Variants in BMPR1A observed in about 807,000 individuals in gnomAD.
BMPR1A encodes bone morphogenetic protein receptor type 1A.
A neutral mutation model predicts 66.0 loss-of-function variants in BMPR1A; 7 were observed. That is an observed-to-expected ratio of 0.11 (90% confidence interval 0.06 to 0.20). BMPR1A has a LOEUF of 0.20. BMPR1A is among the 10% of genes least tolerant of loss of function. BMPR1A has a pLI of 1.00. For missense variants in BMPR1A, 408 were observed against 669.1 expected, an observed-to-expected ratio of 0.61 and a Z score of 4.31; for synonymous variants, 200 against 229.7, an observed-to-expected ratio of 0.87 and a Z score of 1.17.
At chr10:86,797,601 A>G (rs1841740577) in intron 1 of BMPR1A, among the ~76,000 whole-genome samples, 1 of 152,016 alleles carries the variant, frequency 6.6e-6, no homozygotes, top group Admixed American at 6.6e-5. Context: ...CCTGACCTCA[A>G]GTGATCCGCC....
chr10:86,776,700 G>A (rs1359284925), intron 1 of BMPR1A, among the ~76,000 whole-genome samples: 2 of 152,102 alleles, frequency 1.3e-5, no homozygotes, highest in African/African-American at 2.4e-5. Flanking sequence ...GATACATCTT[G>A]TAGTTTTCCA....
intron 1 of BMPR1A, among the ~76,000 whole-genome samples, chr10:86,776,576 G>C (rs2132682077): frequency 6.6e-6 from 1 of 152,214 alleles, no homozygotes; most frequent in South Asian, 2.1e-4. Flanking sequence ...TTCTGTTGCA[G>C]ACCCCCTTTC....
At position 86,926,581 on chromosome 10, in the gene BMPR1A, C is replaced by G. The variant is rs1194105500; in HGVS notation, c.*2862C>G. 1 of 178,904 alleles carries G rather than the reference C, an allele frequency of 5.6e-6. No homozygotes were observed. The highest frequency in any genetic ancestry group is 2.4e-5 in the African/African-American group (1 of 42,306). 11.1% of individuals were successfully genotyped at this position (178,904 alleles called of 1,614,324 possible). A position where few individuals can be genotyped will look rare whatever the true frequency, so the allele number is the denominator to read the frequency against. On this transcript the variant is annotated 3_prime_UTR_variant, in exon 13 of 13. Coordinates refer to ENST00000372037, the MANE Select transcript of BMPR1A (RefSeq NM_004329.3). ...GTTGCATTAAACTTAGTTCTTGTCT[C>G]TCCTTTCCACTCTTATTCTTAAATC...
At chr10:86,860,625 C>T (rs1181623179) in intron 2 of BMPR1A, among the ~76,000 whole-genome samples, 1 of 151,658 alleles carries the variant, frequency 6.6e-6, no homozygotes, top group Non-Finnish European at 1.5e-5. Context: ...CAAAAATTGG[C>T]CAAGTGTGGT....
rs944398210 is a variant in BMPR1A, at chr10:86,784,548, T to G, written c.-268+27629T>G. ...TCAAAGTTTAGAAGTGTTTCTTCAG[T>G]TTTTTTGGTGAGACTTTGAGGAGGT... On this transcript the variant is annotated intron_variant, in intron 1 of 12. Coordinates refer to ENST00000372037, the MANE Select transcript of BMPR1A (RefSeq NM_004329.3). 5.9e-5 allele frequency among the ~76,000 whole-genome samples: 9 copies of G among 152,250 alleles called. No individual in the cohort carries two copies. In the East Asian group the frequency reaches 1.7e-3, roughly 29 times the overall value.
chr10:86,857,392 A>G (rs1186087837), intron 2 of BMPR1A, among the ~76,000 whole-genome samples: 1 of 152,216 alleles, frequency 6.6e-6, no homozygotes, highest in African/African-American at 2.4e-5. Context: ...GACTGAATAC[A>G]TTATTTATTA....
intron 2 of BMPR1A, among the ~76,000 whole-genome samples, chr10:86,851,607 G>A (rs1842568968): frequency 6.6e-6 from 1 of 152,208 alleles, no homozygotes; most frequent in African/African-American, 2.4e-5. Flanking sequence ...GCAGCCTAAT[G>A]AGTTGGGATT....
intron 1 of BMPR1A, among the ~76,000 whole-genome samples, chr10:86,757,278 T>C (rs1847888870): frequency 6.6e-6 from 1 of 152,036 alleles, no homozygotes; most frequent in African/African-American, 2.4e-5. Context: ...ATATTTGTGA[T>C]TTGGCTCCGG....
At chr10:86,896,167 A>AAAGG (rs779778760) in intron 5 of BMPR1A, among the ~76,000 whole-genome samples, 5 of 94,060 alleles carry the variant, frequency 5.3e-5, no homozygotes, top group African/African-American at 1.7e-4. Flanking sequence ...AAAGAAAAGA[A>AAAGG]AAAAAAAAAA....
intron 2 of BMPR1A, among the ~76,000 whole-genome samples, chr10:86,860,053 A>G (rs1380203273): frequency 6.6e-6 from 1 of 152,154 alleles, no homozygotes; most frequent in Non-Finnish European, 1.5e-5. Flanking sequence ...ATGCACCTGT[A>G]GTTGGGACTG....
At chr10:86,821,951 G>A (rs1431365319) in intron 1 of BMPR1A, among the ~76,000 whole-genome samples, 1 of 151,960 alleles carries the variant, frequency 6.6e-6, no homozygotes, top group Non-Finnish European at 1.5e-5. Flanking sequence ...CAGCAGGCAC[G>A]CACCACCACA....
chr10:86,927,992 G>GCTA (rs1356209713), downstream of BMPR1A: 1 of 176,876 alleles, frequency 5.7e-6, no homozygotes, highest in Non-Finnish European at 1.2e-5. Flanking sequence ...GTTTTGTGAT[G>GCTA]CTACACTCAG....
At chr10:86,918,509 T>C (rs987778117) in intron 9 of BMPR1A, among the ~76,000 whole-genome samples, 1 of 152,234 alleles carries the variant, frequency 6.6e-6, no homozygotes, top group Non-Finnish European at 1.5e-5. Flanking sequence ...TTTATAAAAG[T>C]GTCCACTTTT....
At chr10:86,914,727 G>T (rs1188581281) in intron 8 of BMPR1A, among the ~76,000 whole-genome samples, 1 of 152,186 alleles carries the variant, frequency 6.6e-6, no homozygotes, top group African/African-American at 2.4e-5. Context: ...CAAAGATGTA[G>T]ATCAACTAGA....
chr10:86,873,939 C>G (rs1842884940), intron 2 of BMPR1A, among the ~76,000 whole-genome samples: 1 of 152,122 alleles, frequency 6.6e-6, no homozygotes, highest in African/African-American at 2.4e-5. Flanking sequence ...GTAAATGATA[C>G]CTCACTGTAA....
intron 1 of BMPR1A, among the ~76,000 whole-genome samples, chr10:86,769,174 T>G (rs1323876752): frequency 1.3e-5 from 2 of 152,220 alleles, no homozygotes; most frequent in Non-Finnish European, 2.9e-5. Context: ...TAGGAAATTT[T>G]GTTGCTTTTC....
rs376531408 is a variant in BMPR1A, at chr10:86,820,758, C to T, written c.-267-18107C>T. ...ACTGTTTCATATACTTCTTACTGGC[C>T]ACTGCCTGGTTGGCATCTACCACTT... On this transcript the variant is annotated intron_variant, in intron 1 of 12. Transcript: ENST00000372037. 1.2e-4 allele frequency among the ~76,000 whole-genome samples: 18 copies of T among 152,278 alleles called. No individual in the cohort carries two copies. In the East Asian group the frequency reaches 3.3e-3, roughly 28 times the overall value.
At chr10:86,806,356 G>A (rs1443347809) in intron 1 of BMPR1A, among the ~76,000 whole-genome samples, 1 of 151,574 alleles carries the variant, frequency 6.6e-6, no homozygotes. Context: ...AAAATTCACT[G>A]CTCCCCTGCA....
intron 2 of BMPR1A, among the ~76,000 whole-genome samples, chr10:86,859,607 G>T (rs1842687093): frequency 6.6e-6 from 1 of 151,970 alleles, no homozygotes; most frequent in African/African-American, 2.4e-5. Context: ...ATCACCTGAG[G>T]TCAGGAGTTC....
Sources: allele counts gnomAD v4.1 joint callset (sites outside exome capture counted in the v4.1 genomes callset), GRCh38; gene constraint gnomAD v4.1.1; transcripts MANE v1.5; gene names NCBI Gene and HGNC (gene_info 2026-07-23, HGNC 2026-07-21).